CACNB2: variants seen among roughly 807,000 people sequenced by gnomAD.
CACNB2 encodes the protein calcium voltage-gated channel auxiliary subunit beta 2.
A neutral mutation model predicts 73.3 loss-of-function variants in CACNB2; 42 were observed. The ratio of observed to expected loss-of-function variants is 0.57; its 90% CI spans 0.45 to 0.74. The LOEUF is 0.74. Among genes scored for constraint, CACNB2 ranks in the 30% least tolerant of loss-of-function variants. CACNB2 has a pLI of 0.00. For synonymous variants in CACNB2, 348 were observed against 310.3 expected, an observed-to-expected ratio of 1.12 and a Z score of -1.28; for missense variants, 940 against 853.0, an observed-to-expected ratio of 1.10 and a Z score of -1.27.
At chr10:18,513,770 C>A (rs1220506537) in intron 6 of CACNB2, 4 of 232,142 alleles carry the variant, frequency 1.7e-5, no homozygotes, top group African/African-American at 4.6e-5. Flanking sequence ...AGAATGTATT[C>A]CAATATCAAA....
At chr10:18,414,181 C>T (rs1399634107) in intron 3 of CACNB2, among the ~76,000 whole-genome samples, 7 of 152,174 alleles carry the variant, frequency 4.6e-5, no homozygotes, top group Non-Finnish European at 8.8e-5. Context: ...ATCCCAGTGA[C>T]GAAGGCATGG....
intron 3 of CACNB2, among the ~76,000 whole-genome samples, chr10:18,410,228 T>G (rs1312197234): frequency 6.6e-6 from 1 of 152,224 alleles, no homozygotes; most frequent in Non-Finnish European, 1.5e-5. Flanking sequence ...TGTTCTATAT[T>G]CTATGTTTCC....
At chr10:18,452,217 G>C (rs1297910213) in intron 3 of CACNB2, among the ~76,000 whole-genome samples, 1 of 152,132 alleles carries the variant, frequency 6.6e-6, no homozygotes, top group Non-Finnish European at 1.5e-5. Flanking sequence ...GATGACAGAT[G>C]CTCGAGACCA....
Position 18,412,630 on chromosome 10 carries a change from A to G in CACNB2, c.333+10587A>G, listed in dbSNP as rs143863245. Among the ~76,000 whole-genome samples the G allele has an allele frequency of 1.3e-3, 200 of 152,286 alleles. 2 individuals carry two copies. The highest frequency in any genetic ancestry group is 4.5e-3 in the African/African-American group (187 of 41,566). On this transcript the variant is annotated intron_variant, in intron 3 of 13. Coordinates refer to ENST00000324631, the MANE Select transcript of CACNB2 (RefSeq NM_201596.3). Reference sequence around the variant, plus strand: ...TTCAATTTGTTTTTCTTCTCTGCTAAGTCACTTTTGTCTTGCAGGTGCTGG... The same window carrying G: ...TTCAATTTGTTTTTCTTCTCTGCTAGGTCACTTTTGTCTTGCAGGTGCTGG...
At chr10:18,313,593 C>T (rs964150541) in intron 2 of CACNB2, among the ~76,000 whole-genome samples, 4 of 152,108 alleles carry the variant, frequency 2.6e-5, no homozygotes, top group Non-Finnish European at 4.4e-5. Flanking sequence ...CTCAACACTT[C>T]CTTTTCCTCC....
intron 5 of CACNB2, among the ~76,000 whole-genome samples, chr10:18,502,689 CAAAAAAAAAAAA>C (rs71200974): frequency 2.2e-4 from 16 of 73,254 alleles, no homozygotes; most frequent in African/African-American, 2.8e-4. Flanking sequence ...GACTCCATCT[CAAAAAAAAAAAA>C]AAAAAAAAAA....
chr10:18,499,428 C>T (rs144963887), intron 4 of CACNB2, among the ~76,000 whole-genome samples: 3,734 of 151,850 alleles, frequency 0.025, 65 homozygotes, highest in African/African-American at 0.046. Context: ...CCATCCTGGC[C>T]AACATGGTGA....
At chr10:18,517,039 T>A (rs966924155) in intron 7 of CACNB2, among the ~76,000 whole-genome samples, 2 of 152,200 alleles carry the variant, frequency 1.3e-5, no homozygotes, top group African/African-American at 4.8e-5. Flanking sequence ...TGAATTCAAA[T>A]GAAGCCAGAA....
intron 2 of CACNB2, among the ~76,000 whole-genome samples, chr10:18,167,662 T>A (rs2032947646): frequency 6.6e-6 from 1 of 152,116 alleles, no homozygotes; most frequent in African/African-American, 2.4e-5. Flanking sequence ...GGAAGTTTTA[T>A]CAACTCCAAA....
At chr10:18,489,578 G>A (rs768642720) in intron 3 of CACNB2, among the ~76,000 whole-genome samples, 1 of 151,998 alleles carries the variant, frequency 6.6e-6, no homozygotes, top group Non-Finnish European at 1.5e-5. Flanking sequence ...GAATGGCTGG[G>A]AGAACTTTTT....
intron 2 of CACNB2, among the ~76,000 whole-genome samples, chr10:18,284,990 T>TC (rs2038724779): frequency 6.6e-6 from 1 of 152,120 alleles, no homozygotes; most frequent in Non-Finnish European, 1.5e-5. Context: ...CACCTGGGGC[T>TC]CTTTGAGAAA....
chr10:18,467,681 A>G (rs1236752571), intron 3 of CACNB2, among the ~76,000 whole-genome samples: 1 of 152,220 alleles, frequency 6.6e-6, no homozygotes, highest in Non-Finnish European at 1.5e-5. Flanking sequence ...GGAACCTGGG[A>G]GCCCAATTTA....
At chr10:18,205,840 T>A (rs1052773086) in intron 2 of CACNB2, among the ~76,000 whole-genome samples, 2 of 152,162 alleles carry the variant, frequency 1.3e-5, no homozygotes, top group African/African-American at 4.8e-5. Context: ...AAAGAGTTTC[T>A]ACAACCCATC....
chr10:18,336,386 A>G (rs1306843241), intron 2 of CACNB2, among the ~76,000 whole-genome samples: 3 of 152,204 alleles, frequency 2.0e-5, no homozygotes, highest in African/African-American at 7.2e-5. Context: ...TGGGAGGCCA[A>G]GGTGGGTGGA....
chr10:18,318,670 C>G (rs1413014723), intron 2 of CACNB2, among the ~76,000 whole-genome samples: 1 of 152,050 alleles, frequency 6.6e-6, no homozygotes, highest in Non-Finnish European at 1.5e-5. Flanking sequence ...AACAGGTAAC[C>G]TACAGAATAG....
intron 2 of CACNB2, among the ~76,000 whole-genome samples, chr10:18,365,808 G>C (rs190574650): frequency 9.9e-5 from 15 of 152,224 alleles, no homozygotes; most frequent in African/African-American, 3.6e-4. Flanking sequence ...ATTGATTTCA[G>C]TGAATACTTT....
At chr10:18,150,855 C>CTTTTTTTTTTGTTTTTTT in intron 1 of CACNB2, 28 bp from the exon 2 acceptor site, 1 of 483,390 alleles carries the variant, frequency 2.1e-6, no homozygotes, top group South Asian at 2.7e-5. Flanking sequence ...TCTTATTTGT[C>CTTTTTTTTTTGTTTTTTT]TTTTTTTTTT....
chr10:18,182,957 A>G (rs1214050702), intron 2 of CACNB2, among the ~76,000 whole-genome samples: 1 of 152,186 alleles, frequency 6.6e-6, no homozygotes, highest in African/African-American at 2.4e-5. Context: ...ACATACATAT[A>G]CAATAGCTGA....
chr10:18,485,795 C>T (rs1190902400), intron 3 of CACNB2, among the ~76,000 whole-genome samples: 4 of 151,856 alleles, frequency 2.6e-5, no homozygotes, highest in African/African-American at 9.7e-5. Context: ...GTTGGCCAGG[C>T]TGCTCTCGAA....
Sources: gnomAD v4.1 joint callset for allele counts (sites outside exome capture counted in the v4.1 genomes callset) on GRCh38, gnomAD v4.1.1 for gene constraint, MANE v1.5 for transcripts, NCBI Gene and HGNC (gene_info 2026-07-23, HGNC 2026-07-21) for gene names.